The following ARHGEF11 variants were observed in gnomAD, a reference collection of about 807,000 sequenced individuals.
ARHGEF11 encodes Rho guanine nucleotide exchange factor 11.
ARHGEF11 carries 55 observed loss-of-function variants against 193.7 expected under a neutral mutation model. That is an observed-to-expected ratio of 0.28 (90% CI 0.23 to 0.36). The LOEUF (loss-of-function observed/expected upper bound fraction) is 0.36, where lower values mean the gene tolerates loss of function less well. Ranked by LOEUF, ARHGEF11 falls within the 10% of genes least tolerant of loss-of-function variation. The pLI is 1.00. For synonymous variants in ARHGEF11, 693 were observed against 768.0 expected, an observed-to-expected ratio of 0.90 and a Z score of 1.62; for missense variants, 1,723 against 2,005.6, an observed-to-expected ratio of 0.86 and a Z score of 2.69.
chr1:157,012,195 G>A (rs757957205), intron 1 of ARHGEF11, among the ~76,000 whole-genome samples: 21 of 152,098 alleles, frequency 1.4e-4, no homozygotes, highest in Non-Finnish European at 2.6e-4. Context: ...TGGATGAACC[G>A]TGAAAGCATT....
chr1:156,988,417 G>T (rs144066134), intron 1 of ARHGEF11, among the ~76,000 whole-genome samples: 1 of 152,144 alleles, frequency 6.6e-6, no homozygotes, highest in Non-Finnish European at 1.5e-5. Flanking sequence ...TGACTGCACA[G>T]GGCTATCCAC....
intron 34 of ARHGEF11, 117 bp downstream of exon 34, chr1:156,941,747 C>T (rs1414669809): frequency 7.0e-7 from 1 of 1,437,298 alleles, no homozygotes; most frequent in Non-Finnish European, 9.3e-7. Flanking sequence ...TGTCTGCTCC[C>T]TGCTAGCATT....
At position 157,044,503 on chromosome 1, in the gene ARHGEF11, C is replaced by T. The variant is rs1673136927; in HGVS notation, c.-173G>A. 3.7e-6 allele frequency: 2 copies of T among 540,032 alleles called. No individual in the cohort carries two copies. Among genetic ancestry groups the T allele is most frequent in the Admixed American group, 5.6e-5 (2 of 35,592 alleles). The allele number at this position is 540,032 out of a possible 1,614,324, so 33.5% of individuals were successfully genotyped here. On this transcript the variant is annotated 5_prime_UTR_variant, in exon 1 of 41. Transcript: ENST00000368194. ...TAACTGATGCTCCACTCTACTTCTA[C>T]CAGTGAACATGATTTCCTTTCTCAG...
Position 156,955,811 on chromosome 1 carries a change from G to A in ARHGEF11, c.1672-12C>T, listed in dbSNP as rs1376177223. On this transcript the variant is annotated splice_polypyrimidine_tract_variant and intron_variant, in intron 19 of 40. Transcript: ENST00000368194. ...TTGGAATTGCTGCTCTGCTGAGACA[G>A]GAGACACTGGTGTTTGCAGGAGGTC... 1 of 1,608,724 alleles carries A rather than the reference G, an allele frequency of 6.2e-7. No individual in the cohort carries two copies. Among genetic ancestry groups the A allele is most frequent in the South Asian group, 1.1e-5 (1 of 90,954 alleles).
chr1:156,980,313 C>G (rs1197077497), intron 4 of ARHGEF11, 124 bp downstream of exon 4: 3 of 1,161,422 alleles, frequency 2.6e-6, no homozygotes, highest in Non-Finnish European at 3.7e-6. Context: ...GGTACCACTC[C>G]TAACTCAGTG....
At chr1:157,043,887 C>T (rs1174151020) in intron 1 of ARHGEF11, among the ~76,000 whole-genome samples, 1 of 152,206 alleles carries the variant, frequency 6.6e-6, no homozygotes, top group Non-Finnish European at 1.5e-5. Flanking sequence ...TGGAGGCCCA[C>T]GCCTCTGCCA....
At position 156,937,414 on chromosome 1, in the gene ARHGEF11, C is replaced by A; in HGVS notation, c.4275G>T (p.Gln1425His). The change falls in exon 39 of 41, where the codon CAG becomes CAT. Residue 1425 changes from glutamine (Q) to histidine (H), a missense_variant. Gln to His is a conservative substitution (Grantham distance 24). Transcript: ENST00000368194. ...DHSEAPMSPPQPDSLPAGQTE... is the reference protein window; with the variant it reads ...DHSEAPMSPPHPDSLPAGQTE... The stretch of plus-strand genomic sequence containing the variant: ...TCTGCCCTGCAGGGAGGCTGTCAGG[C>A]TGAGGGGGGCTCATGGGTGCCTCTG... 3 of 1,586,626 alleles carry A rather than the reference C, an allele frequency of 1.9e-6. No homozygotes were observed. The highest frequency in any genetic ancestry group is 2.6e-6 in the Non-Finnish European group (3 of 1,167,606).
intron 15 of ARHGEF11, among the ~76,000 whole-genome samples, chr1:156,960,188 G>A (rs6667252): frequency 0.014 from 2,112 of 152,108 alleles, 56 homozygotes; most frequent in African/African-American, 0.048. Flanking sequence ...GTCTTCCCAT[G>A]ACAAGCTCCC....
At chr1:157,023,037 G>C (rs1670187533) in intron 1 of ARHGEF11, among the ~76,000 whole-genome samples, 1 of 152,156 alleles carries the variant, frequency 6.6e-6, no homozygotes, top group African/African-American at 2.4e-5. Flanking sequence ...GTTAAACTAT[G>C]AAACTCTTAG....
chr1:157,007,853 T>C (rs991578731), intron 1 of ARHGEF11, among the ~76,000 whole-genome samples: 1 of 149,772 alleles, frequency 6.7e-6, no homozygotes, highest in East Asian at 1.9e-4. Flanking sequence ...AATAACTTTC[T>C]TATTTAATTT....
At chr1:156,941,577 G>C (rs1292667452) in intron 34 of ARHGEF11, 144 bp from the exon 35 acceptor site, 1 of 970,410 alleles carries the variant, frequency 1.0e-6, no homozygotes, top group Non-Finnish European at 1.6e-6. Context: ...CAGAGAGGAG[G>C]GGGGCTGCTA....
chr1:157,027,030 C>A (rs1388408250), intron 1 of ARHGEF11, among the ~76,000 whole-genome samples: 1 of 152,130 alleles, frequency 6.6e-6, no homozygotes, highest in Non-Finnish European at 1.5e-5. Flanking sequence ...ATTGGAAAAA[C>A]CCTAATTGGA....
chr1:156,939,362 G>C, intron 37 of ARHGEF11, 186 bp downstream of exon 37: 1 of 756,110 alleles, frequency 1.3e-6, no homozygotes, highest in Non-Finnish European at 2.1e-6. Context: ...GCTAAGCTCT[G>C]AATCTCGAAT....
chr1:156,954,912 A>G lies in ARHGEF11; in HGVS notation c.1778T>C (p.Ile593Thr). ...PKSSSQSTFH[I>T]PLSPVEVKPG... ...TTTACCTTCCACAGGGGACAAGGGA[A>G]TATGAAATGCTAAAAGAAAAACAAA... Residue 593 changes from isoleucine (I) to threonine (T), a missense_variant, in exon 21 of 41, where the codon ATT (isoleucine) becomes ACT (threonine). Coordinates refer to ENST00000368194, the MANE Select transcript of ARHGEF11 (RefSeq NM_198236.3). 1.9e-6 allele frequency: 3 copies of G among 1,608,686 alleles called. No homozygotes were observed. The highest frequency in any genetic ancestry group is 2.5e-6 in the Non-Finnish European group (3 of 1,178,270).
Position 157,044,609 on chromosome 1 carries a change from C to T in ARHGEF11, c.-279G>A, listed in dbSNP as rs1045869550. ...AAAAGGAAAAGAGGAAAAACTACGA[C>T]CTTCTCAGAAACCAAAAACCCAGCC... On this transcript the variant is annotated 5_prime_UTR_variant, in exon 1 of 41. Coordinates refer to ENST00000368194, the MANE Select transcript of ARHGEF11 (RefSeq NM_198236.3). 2.0e-6 allele frequency: 1 copy of T among 492,732 alleles called. No homozygotes were observed. The highest frequency in any genetic ancestry group is 3.0e-5 in the East Asian group (1 of 33,876). 30.5% of individuals were successfully genotyped at this position (492,732 alleles called of 1,614,324 possible). A position where few individuals can be genotyped will look rare whatever the true frequency, so the allele number is the denominator to read the frequency against.
At chr1:156,969,034 C>T (rs1009858387) in intron 10 of ARHGEF11, among the ~76,000 whole-genome samples, 12 of 152,248 alleles carry the variant, frequency 7.9e-5, no homozygotes, top group African/African-American at 2.9e-4. Context: ...TGGCCGCCCT[C>T]TCCACCCTAC....
At chr1:157,008,470 T>C (rs1668163452) in intron 1 of ARHGEF11, among the ~76,000 whole-genome samples, 1 of 151,832 alleles carries the variant, frequency 6.6e-6, no homozygotes, top group African/African-American at 2.4e-5. Flanking sequence ...AAGGCAGCCG[T>C]CTACAAGCCA....
intron 2 of ARHGEF11, 131 bp from the exon 3 acceptor site, chr1:156,984,568 A>G (rs1048104000): frequency 1.6e-6 from 1 of 633,550 alleles, no homozygotes; most frequent in South Asian, 1.9e-5. Context: ...CAAATTCCCT[A>G]GACTATTCCT....
At chr1:157,038,029 C>CAAAAAAA (rs145416871) in intron 1 of ARHGEF11, among the ~76,000 whole-genome samples, 11 of 45,514 alleles carry the variant, frequency 2.4e-4, no homozygotes, top group African/African-American at 8.2e-4. Context: ...AAGACTGTCT[C>CAAAAAAA]AAAAAAAAAA....
Sources: allele counts gnomAD v4.1 joint callset (sites outside exome capture counted in the v4.1 genomes callset), GRCh38; gene constraint gnomAD v4.1.1; transcripts MANE v1.5; gene names NCBI Gene and HGNC (gene_info 2026-07-23, HGNC 2026-07-21).